Variants in CACNA2D1 observed in about 807,000 individuals in gnomAD.
CACNA2D1 encodes voltage-dependent calcium channel subunit alpha-2/delta-1.
CACNA2D1 carries 53 observed loss-of-function variants against 171.5 expected under a neutral mutation model. The ratio of observed to expected loss-of-function variants is 0.31; its 90% CI spans 0.25 to 0.39. The LOEUF (loss-of-function observed/expected upper bound fraction) is 0.39. Ranked by LOEUF, CACNA2D1 falls within the 10% of genes least tolerant of loss-of-function variation. The probability of loss-of-function intolerance (pLI) is 1.00; values close to 1 mark genes in which losing one functional copy is unlikely to be tolerated. For synonymous variants in CACNA2D1, 442 were observed against 443.1 expected (o/e 1.00, Z 0.03); for missense variants, 903 against 1,299.8 (o/e 0.69, Z 4.69).
chr7:82,283,336 T>TA (rs1810359571), intron 3 of CACNA2D1, among the ~76,000 whole-genome samples: 1 of 152,224 alleles, frequency 6.6e-6, no homozygotes, highest in African/African-American at 2.4e-5. Context: ...ATGCTTATTA[T>TA]ATGCAAGGCT....
intron 3 of CACNA2D1, among the ~76,000 whole-genome samples, chr7:82,271,224 T>C (rs542413437): frequency 1.3e-5 from 2 of 152,198 alleles, no homozygotes; most frequent in South Asian, 4.1e-4. Context: ...AAATTCATCA[T>C]GTAGAAAAGA....
intron 2 of CACNA2D1, among the ~76,000 whole-genome samples, chr7:82,346,124 G>C (rs1466151774): frequency 1.3e-5 from 2 of 152,146 alleles, no homozygotes; most frequent in African/African-American, 4.8e-5. Context: ...AGCTGGGAAA[G>C]AAGAGCAACT....
At chr7:82,112,648 C>G (rs10226694) in intron 6 of CACNA2D1, among the ~76,000 whole-genome samples, 2,895 of 152,214 alleles carry the variant, frequency 0.019, 111 homozygotes, top group African/African-American at 0.063. Flanking sequence ...CTTTTTTACT[C>G]TGTTAAAGGT....
At chr7:82,417,808 T>C (rs1404729136) in intron 1 of CACNA2D1, among the ~76,000 whole-genome samples, 4 of 152,148 alleles carry the variant, frequency 2.6e-5, no homozygotes, top group Non-Finnish European at 5.9e-5. Flanking sequence ...ATTGAGTACC[T>C]ATAAAAAGGG....
intron 3 of CACNA2D1, among the ~76,000 whole-genome samples, chr7:82,175,871 T>C (rs1299187546): frequency 6.6e-6 from 1 of 152,108 alleles, no homozygotes; most frequent in South Asian, 2.1e-4. Context: ...ACCCGTAGAA[T>C]AGGCTATGTC....
At chr7:82,055,890 G>A (rs1181369491) in intron 10 of CACNA2D1, among the ~76,000 whole-genome samples, 1 of 140,788 alleles carries the variant, frequency 7.1e-6, no homozygotes, top group African/African-American at 2.7e-5. Flanking sequence ...TTGTGCCCAT[G>A]TACCCTAGAA....
chr7:82,328,903 C>G (rs1382636208), intron 3 of CACNA2D1, among the ~76,000 whole-genome samples: 1 of 152,078 alleles, frequency 6.6e-6, no homozygotes. Flanking sequence ...CCCCTAATAG[C>G]CAAACATGAT....
chr7:82,217,663 C>T (rs1241594210), intron 3 of CACNA2D1, among the ~76,000 whole-genome samples: 1 of 146,682 alleles, frequency 6.8e-6, no homozygotes, highest in Non-Finnish European at 1.5e-5. Context: ...CACACACACA[C>T]AATCTTTATC....
At position 82,016,060 on chromosome 7, in the gene CACNA2D1, T is replaced by C. The variant is rs546299087; in HGVS notation, c.1144-1581A>G. Among the ~76,000 whole-genome samples, 3 of 152,328 alleles carry C rather than the reference T, an allele frequency of 2.0e-5. No individual in the cohort carries two copies. The East Asian group carries it at 5.8e-4, about 29-fold the overall frequency. On this transcript the variant is annotated intron_variant, in intron 12 of 38. Coordinates refer to ENST00000356860, the MANE Select transcript of CACNA2D1 (RefSeq NM_000722.4). ...AAGTGAATGACAGAAGTTGGTTTTTTTCTCTCTCTCAATCTATCTTTCTCT... is the reference window on the plus strand; with the variant it reads ...AAGTGAATGACAGAAGTTGGTTTTTCTCTCTCTCTCAATCTATCTTTCTCT...
Position 82,012,220 on chromosome 7 carries a change from T to C in CACNA2D1, c.1296A>G (p.Arg432=). 6.2e-7 allele frequency: 1 copy of C among 1,601,244 alleles called. No individual in the cohort carries two copies. The highest frequency in any genetic ancestry group is 2.2e-5 in the East Asian group (1 of 44,632). Residue 432 remains arginine, a synonymous_variant, in exon 15 of 39, where the codon AGA becomes AGG. Coordinates refer to ENST00000356860, the MANE Select transcript of CACNA2D1 (RefSeq NM_000722.4). ...NTQEYLDVLG[R]PMVLAGDKAK... is the part of the protein sequence containing the mutation. ...CTTTGTCTCCTGCTAAAACCATTGGTCTTCCCAAAACATCCAAATATTCCT... is the reference window on the plus strand; with the variant it reads ...CTTTGTCTCCTGCTAAAACCATTGGCCTTCCCAAAACATCCAAATATTCCT...
chr7:82,239,458 A>G (rs1803994469), intron 3 of CACNA2D1, among the ~76,000 whole-genome samples: 1 of 152,150 alleles, frequency 6.6e-6, no homozygotes, highest in Admixed American at 6.6e-5. Flanking sequence ...ATGCTTCCAC[A>G]TTTCCTTAAA....
chr7:82,271,991 T>C (rs1460201217), intron 3 of CACNA2D1, among the ~76,000 whole-genome samples: 2 of 152,024 alleles, frequency 1.3e-5, no homozygotes, highest in Admixed American at 6.6e-5. Flanking sequence ...CAGTAGATAA[T>C]GGACTAGCAA....
At chr7:82,318,226 C>T (rs1037257774) in intron 3 of CACNA2D1, among the ~76,000 whole-genome samples, 5 of 152,092 alleles carry the variant, frequency 3.3e-5, no homozygotes, top group South Asian at 2.1e-4. Context: ...AGTCTCATTG[C>T]TAATTAAAAA....
intron 1 of CACNA2D1, among the ~76,000 whole-genome samples, chr7:82,354,781 T>C (rs1034071014): frequency 6.6e-6 from 1 of 152,014 alleles, no homozygotes; most frequent in South Asian, 2.1e-4. Context: ...AGAGAGCAAG[T>C]TCAGAGAAAA....
chr7:82,248,866 C>T (rs546158234), intron 3 of CACNA2D1, among the ~76,000 whole-genome samples: 3 of 151,874 alleles, frequency 2.0e-5, no homozygotes, highest in Admixed American at 2.0e-4. Context: ...GCCTCTAATC[C>T]CAGCACTTTG....
At chr7:82,393,082 G>GAAGGAAGT (rs1825346929) in intron 1 of CACNA2D1, among the ~76,000 whole-genome samples, 2 of 112,156 alleles carry the variant, frequency 1.8e-5, no homozygotes, top group African/African-American at 7.1e-5. Context: ...AGGAAGGAAG[G>GAAGGAAGT]AAGGCAGGCA....
intron 1 of CACNA2D1, among the ~76,000 whole-genome samples, chr7:82,422,653 T>C (rs1427363876): frequency 6.6e-6 from 1 of 152,118 alleles, no homozygotes; most frequent in African/African-American, 2.4e-5. Context: ...AAAAACTCCA[T>C]AGAAGTTCTT....
Position 81,947,829 on chromosome 7 carries a change from T to C in CACNA2D1, c.*2563A>G, listed in dbSNP as rs1252360936. 4 of 152,024 alleles carry C rather than the reference T, an allele frequency of 2.6e-5. No individual in the cohort carries two copies. The highest frequency in any genetic ancestry group is 9.6e-5 in the African/African-American group (4 of 41,558). The allele number at this position is 152,024 out of a possible 1,614,324, so 9.4% of individuals were successfully genotyped here. ...TATGCTAAAAGCATGAAGACTAATA[T>C]TAGTCATGGGAACAACTTTTATTCA... On this transcript the variant is annotated 3_prime_UTR_variant, in exon 39 of 39. Coordinates refer to ENST00000356860, the MANE Select transcript of CACNA2D1 (RefSeq NM_000722.4).
chr7:82,279,303 AATTT>A (rs1241255482), intron 3 of CACNA2D1, among the ~76,000 whole-genome samples: 1 of 152,076 alleles, frequency 6.6e-6, no homozygotes, highest in Non-Finnish European at 1.5e-5. Context: ...TAATAACTGG[AATTT>A]ATTTATTTAT....
Sources: allele counts gnomAD v4.1 joint callset (sites outside exome capture counted in the v4.1 genomes callset), GRCh38; gene constraint gnomAD v4.1.1; transcripts MANE v1.5; gene names NCBI Gene and HGNC (gene_info 2026-07-23, HGNC 2026-07-21).